The following LAMA1 variants were observed in gnomAD, a reference collection of about 807,000 sequenced individuals.
The protein encoded by LAMA1 is laminin subunit alpha 1.
A neutral mutation model predicts 348.7 loss-of-function variants in LAMA1; 219 were observed. That is an observed-to-expected ratio of 0.63 (90% CI 0.56 to 0.70). The LOEUF (loss-of-function observed/expected upper bound fraction) is 0.70. Ranked by LOEUF, LAMA1 falls within the 30% of genes least tolerant of loss-of-function variation. The probability of loss-of-function intolerance (pLI) is 0.00; values close to 1 mark genes in which losing one functional copy is unlikely to be tolerated. For synonymous variants in LAMA1, 1,487 were observed against 1,491.0 expected (o/e 1.00, Z 0.06); for missense variants, 3,744 against 3,888.0 (o/e 0.96, Z 0.99).
intron 53 of LAMA1, among the ~76,000 whole-genome samples, chr18:6,961,360 T>G (rs1188163393): frequency 6.6e-6 from 1 of 152,158 alleles, no homozygotes; most frequent in Non-Finnish European, 1.5e-5. Flanking sequence ...GCAAATAACT[T>G]TTTCCTCAGT....
At position 6,985,355 on chromosome 18, in the gene LAMA1, T is replaced by C. The variant is rs1415462183; in HGVS notation, c.5542A>G (p.Ile1848Val). ...QDKLLLWSAK[I>V]RHHIDDLVMH... ...ACCAGGTCATCTATGTGGTGCCTGA[T>C]TTTGGCAGACCATAAAAGTAGCTTA... Residue 1848 changes from isoleucine (I) to valine (V), a missense_variant, in exon 39 of 63, where the codon ATC becomes GTC. By Grantham distance (29) the Ile-to-Val change is conservative. Around this residue, in one of 3 missense-constraint regions of LAMA1, gnomAD observed 1,983 missense variants for 1,934.3 expected, o/e 1.03. Coordinates refer to ENST00000389658, the MANE Select transcript of LAMA1 (RefSeq NM_005559.4). 1.2e-6 allele frequency: 2 copies of C among 1,614,194 alleles called. No homozygotes were observed. Among genetic ancestry groups the C allele is most frequent in the Non-Finnish European group, 1.7e-6 (2 of 1,180,024 alleles).
rs750460729 is a variant in LAMA1 at position 7,015,796 on chromosome 18, G to C, written c.3052C>G (p.Pro1018Ala). The change falls in exon 22 of 63, where the codon CCT becomes GCT. Residue 1018 changes from proline to alanine, a missense_variant. Pro to Ala is a conservative substitution (Grantham distance 27). This residue lies in a region of LAMA1 where 1,529 missense variants were observed against 1,689.4 expected (regional missense o/e 0.91). Transcript: ENST00000389658. ...DPETGECVCP[P>A]HTQGVKCEEC... ...TCACACTTCACACCCTGTGTGTGAGGGGGGCAGACACACTCTCCAGTTTCT... is the reference window on the plus strand; with the variant it reads ...TCACACTTCACACCCTGTGTGTGAGCGGGGCAGACACACTCTCCAGTTTCT... 26 of 1,613,982 alleles carry C rather than the reference G, an allele frequency of 1.6e-5. No homozygotes were observed. The highest frequency in any genetic ancestry group is 3.3e-4 in the Middle Eastern group (2 of 6,084).
chr18:7,003,255 GT>G (rs5822938), intron 29 of LAMA1, among the ~76,000 whole-genome samples: 34,460 of 140,574 alleles, frequency 0.25, 4,953 homozygotes, highest in African/African-American at 0.45. Flanking sequence ...TATTTTGGTT[GT>G]TTTTTTTTTT....
At chr18:6,969,398 C>T (rs2057648233) in intron 48 of LAMA1, among the ~76,000 whole-genome samples, 1 of 152,200 alleles carries the variant, frequency 6.6e-6, no homozygotes, top group Non-Finnish European at 1.5e-5. Context: ...TCTAGCCTCT[C>T]CCCAGGACAG....
intron 55 of LAMA1, chr18:6,956,980 G>C (rs1001678728): frequency 1.4e-5 from 8 of 565,052 alleles, no homozygotes; most frequent in Non-Finnish European, 2.2e-5. Flanking sequence ...ATGGCACCCA[G>C]CCTAGCATAT....
chr18:7,111,686 T>C (rs1446755070), intron 1 of LAMA1, among the ~76,000 whole-genome samples: 1 of 152,218 alleles, frequency 6.6e-6, no homozygotes, highest in East Asian at 1.9e-4. Flanking sequence ...GTTTATTCAA[T>C]TGTCCATGGA....
In LAMA1 at chr18:6,959,413, G is replaced by A. The variant is rs746374492; in HGVS notation, c.7706C>T (p.Ala2569Val). ...NPGDGTGLRK[A>V]LLHAPTGTCS... ...GGTACCCGTGGGAGCGTGCAGGAGA[G>A]CTTTTCTCAGGCCTGTCCCATCCCC... Residue 2569 changes from alanine to valine, a missense_variant, in exon 54 of 63, where the codon GCT becomes GTT. Transcript: ENST00000389658. The A allele has an allele frequency of 1.2e-6, 2 of 1,614,188 alleles. No individual in the cohort carries two copies. The highest frequency in any genetic ancestry group is 4.5e-5 in the East Asian group (2 of 44,880).
intron 41 of LAMA1, among the ~76,000 whole-genome samples, chr18:6,982,076 T>C (rs150821616): frequency 1.3e-5 from 2 of 152,148 alleles, no homozygotes; most frequent in Non-Finnish European, 2.9e-5. Context: ...GAACCTACCA[T>C]GAGTCTAATA....
rs2057885054 is a variant in LAMA1 at position 7,015,807 on chromosome 18, C to T, written c.3041G>A (p.Cys1014Tyr). 1.2e-6 allele frequency: 2 copies of T among 1,614,046 alleles called. No individual in the cohort carries two copies. Among genetic ancestry groups the T allele is most frequent in the Non-Finnish European group, 1.7e-6 (2 of 1,180,038 alleles). The change falls in exon 22 of 63, where the codon TGT (cysteine) becomes TAT (tyrosine). Residue 1014 changes from cysteine to tyrosine, a missense_variant. This residue lies in a region of LAMA1 where 1,529 missense variants were observed against 1,689.4 expected (regional missense o/e 0.91). Transcript: ENST00000389658. Reference protein sequence around the residue: ...QNTCDPETGECVCPPHTQGVK... With the variant: ...QNTCDPETGEYVCPPHTQGVK... ...ACCCTGTGTGTGAGGGGGGCAGACACACTCTCCAGTTTCTGGGTCGCAGGT... is the reference window on the plus strand; with the variant it reads ...ACCCTGTGTGTGAGGGGGGCAGACATACTCTCCAGTTTCTGGGTCGCAGGT...
intron 5 of LAMA1, 123 bp downstream of exon 5, chr18:7,048,955 G>T: frequency 2.2e-6 from 2 of 927,316 alleles, no homozygotes; most frequent in South Asian, 1.5e-5. Context: ...ACAGCTGCTG[G>T]CAAGAAAAAA....
chr18:6,956,903 T>A (rs530986274), intron 55 of LAMA1, 138 bp from the exon 56 acceptor site: 7 of 898,262 alleles, frequency 7.8e-6, no homozygotes, highest in South Asian at 5.8e-5. Context: ...AAAGTGCCAA[T>A]CCTTCACTGT....
At chr18:6,955,588 T>C in intron 56 of LAMA1, 123 bp from the exon 57 acceptor site, 1 of 726,812 alleles carries the variant, frequency 1.4e-6, no homozygotes, top group South Asian at 1.5e-5. Flanking sequence ...CAACCACCAG[T>C]GCCTGTTGGC....
intron 3 of LAMA1, 137 bp downstream of exon 3, chr18:7,079,838 A>G: frequency 1.4e-6 from 1 of 714,762 alleles, no homozygotes; most frequent in Non-Finnish European, 2.5e-6. Context: ...TCTGTATACC[A>G]CTTGCCTTCA....
rs530977654 is a variant in LAMA1 at position 7,077,463 on chromosome 18, C to A, written c.345+2512G>T. Among the ~76,000 whole-genome samples, 57 of 152,116 alleles carry A rather than the reference C, an allele frequency of 3.7e-4. 1 individual carries two copies. The highest frequency in any genetic ancestry group is 1.3e-3 in the African/African-American group (53 of 41,494). ...CTCGTGATCCGCCCACCTCAGCCTCCGAAAGTGCTGGGATTACAGGCATGA... is the reference window on the plus strand; with the variant it reads ...CTCGTGATCCGCCCACCTCAGCCTCAGAAAGTGCTGGGATTACAGGCATGA... On this transcript the variant is annotated intron_variant, in intron 3 of 62. Coordinates refer to ENST00000389658, the MANE Select transcript of LAMA1 (RefSeq NM_005559.4).
chr18:6,970,873 A>G (rs1173484166), intron 48 of LAMA1, among the ~76,000 whole-genome samples: 2 of 152,172 alleles, frequency 1.3e-5, no homozygotes, highest in Non-Finnish European at 2.9e-5. Flanking sequence ...TCGGCCTCCC[A>G]AAGTGCTGGG....
At chr18:7,056,339 A>C (rs1470322726) in intron 3 of LAMA1, among the ~76,000 whole-genome samples, 1 of 152,198 alleles carries the variant, frequency 6.6e-6, no homozygotes, top group Non-Finnish European at 1.5e-5. Flanking sequence ...ATTTACAAAG[A>C]CATCTGAAAC....
At chr18:7,072,189 T>C (rs2058148925) in intron 3 of LAMA1, among the ~76,000 whole-genome samples, 2 of 152,342 alleles carry the variant, frequency 1.3e-5, no homozygotes, top group South Asian at 4.1e-4. Context: ...TCCTTAATCC[T>C]GTTAGCTAAC....
chr18:6,991,644 C>A (rs1288439751), intron 36 of LAMA1, among the ~76,000 whole-genome samples: 1 of 152,062 alleles, frequency 6.6e-6, no homozygotes, highest in African/African-American at 2.4e-5. Flanking sequence ...CCCGCCTCAG[C>A]CTCCCAAAGT....
chr18:6,992,441 C>T, intron 36 of LAMA1, 120 bp downstream of exon 36: 1 of 1,134,102 alleles, frequency 8.8e-7, no homozygotes, highest in Non-Finnish European at 1.3e-6. Flanking sequence ...CTTCTCCTCT[C>T]TTAGGATATT....
Sources: gnomAD v4.1 joint callset for allele counts (sites outside exome capture counted in the v4.1 genomes callset) on GRCh38, gnomAD v4.1.1 for gene constraint, gnomAD v4.1.1 regional missense constraint, MANE v1.5 for transcripts, NCBI Gene and HGNC (gene_info 2026-07-23, HGNC 2026-07-21) for gene names.